FAM151B: variants seen among roughly 807,000 people sequenced by gnomAD.
FAM151B encodes the protein family with sequence similarity 151 member B, also known as protein FAM151B.
Under a neutral mutation model 31.2 loss-of-function variants are expected in FAM151B, and 24 were observed. The observed-to-expected ratio is 0.77, with a 90% CI of 0.56 to 1.08. FAM151B has a LOEUF of 1.08. FAM151B is among the 50% of genes least tolerant of loss of function. FAM151B has a pLI of 0.00. For synonymous variants in FAM151B, 105 were observed against 111.4 expected (o/e 0.94, Z 0.36); for missense variants, 293 against 328.6 (o/e 0.89, Z 0.84).
At chr5:80,500,914 A>C (rs1743716768) in intron 1 of FAM151B, 1 of 769,980 alleles carries the variant, frequency 1.3e-6, no homozygotes, top group Non-Finnish European at 2.3e-6. Flanking sequence ...TGAGATCTAT[A>C]CTGTTGGAAA....
intron 3 of FAM151B, among the ~76,000 whole-genome samples, chr5:80,515,502 G>C (rs1022934782): frequency 1.3e-5 from 2 of 152,068 alleles, no homozygotes; most frequent in African/African-American, 4.8e-5. Flanking sequence ...TTGATGTCAC[G>C]TGCTCAGTTT....
At chr5:80,488,255 T>C (rs575384063) in intron 1 of FAM151B, 107 bp downstream of exon 1, 17 of 1,357,000 alleles carry the variant, frequency 1.3e-5, no homozygotes, top group African/African-American at 1.1e-4. Flanking sequence ...GCTAGGGACC[T>C]GGGAGCGCGC....
At chr5:80,529,970 G>A (rs138010096) in intron 5 of FAM151B, among the ~76,000 whole-genome samples, 1,920 of 126,036 alleles carry the variant, frequency 0.015, 49 homozygotes, top group African/African-American at 0.064. Flanking sequence ...GATGAACATC[G>A]CTGCAAAAAT....
At chr5:80,511,649 C>G (rs928359975) in intron 2 of FAM151B, among the ~76,000 whole-genome samples, 18 of 151,868 alleles carry the variant, frequency 1.2e-4, no homozygotes, top group African/African-American at 4.4e-4. Context: ...CTCTGTTGGC[C>G]AGGCTGGAGT....
At chr5:80,501,966 C>T in intron 2 of FAM151B, 49 bp downstream of exon 2, 2 of 1,433,676 alleles carry the variant, frequency 1.4e-6, no homozygotes, top group Non-Finnish European at 1.9e-6. Context: ...TAGATTAATT[C>T]AACTCCTTTT....
At chr5:80,501,465 GAAA>G (rs34586243) in intron 1 of FAM151B, 860 of 85,220 alleles carry the variant, frequency 0.01, no homozygotes, top group South Asian at 0.037. Context: ...CTCTCAAATT[GAAA>G]AAAAAAAAAA....
chr5:80,502,660 C>CAT (rs2112608280), intron 2 of FAM151B, among the ~76,000 whole-genome samples: 1 of 152,232 alleles, frequency 6.6e-6, no homozygotes, highest in Admixed American at 6.5e-5. Flanking sequence ...AGAAAGAAAG[C>CAT]ATATCACTAC....
chr5:80,539,285 G>A (rs1295229095), intron 5 of FAM151B, among the ~76,000 whole-genome samples: 2 of 151,550 alleles, frequency 1.3e-5, no homozygotes, highest in African/African-American at 4.9e-5. Context: ...TTCATGATAT[G>A]CTATCTGTTG....
chr5:80,531,876 C>A (rs1256576030), intron 5 of FAM151B, among the ~76,000 whole-genome samples: 1 of 152,120 alleles, frequency 6.6e-6, no homozygotes, highest in African/African-American at 2.4e-5. Context: ...ATCCAGCCAT[C>A]TCATTACTGG....
chr5:80,541,694 T>C lies in FAM151B; in HGVS notation c.693T>C (p.Thr231=). ...GCAGGTACAGCCTGACTATTTGGAC[T>C]GGAAAAAATGATAACTATTCCGTTG... ...KSNRYSLTIW[T]GKNDNYSVED... is the part of the protein sequence containing the mutation. Residue 231 remains threonine, a synonymous_variant, in exon 6 of 6, where the codon ACT becomes ACC. Coordinates refer to ENST00000282226, the MANE Select transcript of FAM151B (RefSeq NM_205548.3). 1 of 1,613,586 alleles carries C rather than the reference T, an allele frequency of 6.2e-7. No individual in the cohort carries two copies. Among genetic ancestry groups the C allele is most frequent in the Non-Finnish European group, 8.5e-7 (1 of 1,179,734 alleles).
chr5:80,491,836 G>T (rs1743344748), intron 1 of FAM151B, among the ~76,000 whole-genome samples: 1 of 152,162 alleles, frequency 6.6e-6, no homozygotes, highest in Non-Finnish European at 1.5e-5. Flanking sequence ...ACCCCATTGT[G>T]TATCTATACC....
intron 5 of FAM151B, among the ~76,000 whole-genome samples, chr5:80,541,461 C>T (rs962523539): frequency 6.6e-6 from 1 of 152,180 alleles, no homozygotes. Flanking sequence ...GCAGTTATGT[C>T]GTTTAGACAA....
In FAM151B at chr5:80,488,117, C is replaced by G; in HGVS notation, c.-7C>G. 6.5e-7 allele frequency: 1 copy of G among 1,541,992 alleles called. No homozygotes were observed. On this transcript the variant is annotated 5_prime_UTR_variant, in exon 1 of 6. Transcript: ENST00000282226. ...GGGCGCCTGCGCGGACGGCGGGCGT[C>G]GTCACCATGGCAGCATCCGCTGGAG... is the stretch of plus-strand genomic sequence containing the variant.
At chr5:80,505,778 A>G (rs1743934127) in intron 2 of FAM151B, among the ~76,000 whole-genome samples, 1 of 96,360 alleles carries the variant, frequency 1.0e-5, no homozygotes, top group East Asian at 3.1e-4. Flanking sequence ...TTTTTTTGAG[A>G]CAGAGTCTCG....
At chr5:80,528,597 C>G (rs1226011450) in intron 5 of FAM151B, among the ~76,000 whole-genome samples, 1 of 151,720 alleles carries the variant, frequency 6.6e-6, no homozygotes, top group African/African-American at 2.4e-5. Context: ...GATTTCAACA[C>G]ACAAAAAAAA....
At chr5:80,525,391 G>C (rs1398199930) in intron 5 of FAM151B, among the ~76,000 whole-genome samples, 1 of 152,148 alleles carries the variant, frequency 6.6e-6, no homozygotes, top group Non-Finnish European at 1.5e-5. Flanking sequence ...TCTCATCTAA[G>C]TAGTTGGTGA....
Position 80,542,101 on chromosome 5 carries a change from G to A in FAM151B, c.*269G>A. On this transcript the variant is annotated 3_prime_UTR_variant, in exon 6 of 6. Transcript: ENST00000282226. ...TACTCTGCACCCCTTCATAAAAATA[G>A]TTTTGATAAACTAAAGATGATTGGC... 3.0e-6 allele frequency: 1 copy of A among 329,914 alleles called. No homozygotes were observed. The highest frequency in any genetic ancestry group is 5.5e-6 in the Non-Finnish European group (1 of 182,398). 20.4% of individuals were successfully genotyped at this position (329,914 alleles called of 1,614,324 possible).
chr5:80,519,779 T>G lies in FAM151B; in HGVS notation c.404T>G (p.Leu135Arg), dbSNP rs1443343206. Reference protein sequence around the residue: ...KRPVWINADILPGPNGNSKVI... With the variant: ...KRPVWINADIRPGPNGNSKVI... Reference sequence around the variant, plus strand: ...CCTGTATGGATTAATGCCGATATTCTTCCTGGTCCAAATGGAAATAGCAAA... The same window carrying G: ...CCTGTATGGATTAATGCCGATATTCGTCCTGGTCCAAATGGAAATAGCAAA... Residue 135 changes from leucine (L) to arginine (R), a missense_variant, in exon 4 of 6, where the codon CTT (leucine) becomes CGT (arginine). Physicochemically the swap from Leu to Arg is moderately radical, Grantham distance 102. Coordinates refer to ENST00000282226, the MANE Select transcript of FAM151B (RefSeq NM_205548.3). 6.2e-7 allele frequency: 1 copy of G among 1,614,192 alleles called. No individual in the cohort carries two copies. Among genetic ancestry groups the G allele is most frequent in the African/African-American group, 1.3e-5 (1 of 75,064 alleles).
intron 5 of FAM151B, among the ~76,000 whole-genome samples, chr5:80,536,834 G>A (rs2112675420): frequency 6.6e-6 from 1 of 152,218 alleles, no homozygotes; most frequent in African/African-American, 2.4e-5. Context: ...TTTATTTGTG[G>A]GTTCTAAAAA....
Sources: allele counts gnomAD v4.1 joint callset (sites outside exome capture counted in the v4.1 genomes callset), GRCh38; gene constraint gnomAD v4.1.1; transcripts MANE v1.5; gene names NCBI Gene and HGNC (gene_info 2026-07-23, HGNC 2026-07-21).